The following PIAS2 variants were observed in gnomAD, a reference collection of about 807,000 sequenced individuals.
The protein encoded by PIAS2 is E3 SUMO-protein ligase PIAS2.
Under a neutral mutation model 69.7 loss-of-function variants are expected in PIAS2, and 19 were observed. The ratio of observed to expected loss-of-function variants is 0.27; its 90% CI spans 0.19 to 0.40. The LOEUF (loss-of-function observed/expected upper bound fraction) is 0.40. Ranked by LOEUF, PIAS2 falls within the 10% of genes least tolerant of loss-of-function variation. PIAS2 has a pLI of 1.00. For synonymous variants in PIAS2, 261 were observed against 263.2 expected, an observed-to-expected ratio of 0.99 and a Z score of 0.08; for missense variants, 624 against 757.0, an observed-to-expected ratio of 0.82 and a Z score of 2.06.
chr18:46,809,340 T>C lies in PIAS2; in HGVS notation c.*3093A>G, dbSNP rs2040860086. 6.6e-6 allele frequency: 1 copy of C among 152,210 alleles called. No homozygotes were observed. Among genetic ancestry groups the C allele is most frequent in the Admixed American group, 6.5e-5 (1 of 15,280 alleles). The allele number at this position is 152,210 out of a possible 1,614,324, so 9.4% of individuals were successfully genotyped here. ...AATCCTCAAGTGGCTCACCTAATTG[T>C]CAGAAAGTGAGTGAGTGACAACAGA... On this transcript the variant is annotated 3_prime_UTR_variant, in exon 14 of 14. Transcript: ENST00000585916.
intron 5 of PIAS2, among the ~76,000 whole-genome samples, chr18:46,854,528 G>A (rs1223626796): frequency 6.6e-6 from 1 of 152,130 alleles, no homozygotes; most frequent in Admixed American, 6.5e-5. Flanking sequence ...ATTTAGTAAT[G>A]TATCCAAAAT....
In PIAS2 at chr18:46,917,461, C is replaced by G; in HGVS notation, c.-116G>C. 2 of 1,219,948 alleles carry G rather than the reference C, an allele frequency of 1.6e-6. No individual in the cohort carries two copies. Among genetic ancestry groups the G allele is most frequent in the Non-Finnish European group, 2.1e-6 (2 of 974,474 alleles). 75.6% of individuals were successfully genotyped at this position (1,219,948 alleles called of 1,614,324 possible). On this transcript the variant is annotated 5_prime_UTR_variant, in exon 1 of 14. Transcript: ENST00000585916. Reference sequence around the variant, plus strand: ...TCCAGCACCATCCTGCACTGGGCGCCGCTTAAGACGCCGCGGCCGCCGCCG... The same window carrying G: ...TCCAGCACCATCCTGCACTGGGCGCGGCTTAAGACGCCGCGGCCGCCGCCG...
In PIAS2 at chr18:46,871,018, A is replaced by G. The variant is rs373097024; in HGVS notation, c.500-6770T>C. 3.9e-5 allele frequency among the ~76,000 whole-genome samples: 6 copies of G among 152,212 alleles called. No homozygotes were observed. The East Asian group carries it at 1.2e-3, about 29-fold the overall frequency. ...ACAACAAAGAAAGGATGAAGGACCTATGGAATTCCTAGAGAGGCTGAAAGA... is the reference window on the plus strand; with the variant it reads ...ACAACAAAGAAAGGATGAAGGACCTGTGGAATTCCTAGAGAGGCTGAAAGA... On this transcript the variant is annotated intron_variant, in intron 2 of 13. Coordinates refer to ENST00000585916, the MANE Select transcript of PIAS2 (RefSeq NM_004671.5).
chr18:46,837,504 T>C (rs948242371), intron 8 of PIAS2, among the ~76,000 whole-genome samples: 2 of 152,234 alleles, frequency 1.3e-5, no homozygotes, highest in Non-Finnish European at 2.9e-5. Flanking sequence ...GTGTGTAACA[T>C]GAACTGCAAA....
chr18:46,836,252 G>C, intron 9 of PIAS2, 105 bp downstream of exon 9: 2 of 816,026 alleles, frequency 2.5e-6, no homozygotes, highest in Non-Finnish European at 4.1e-6. Flanking sequence ...ATTTATGCTA[G>C]AGTAGAATTT....
rs375729334 is a variant in PIAS2, at chr18:46,913,519, T to C, written c.24+3803A>G. 1.7e-4 allele frequency among the ~76,000 whole-genome samples: 25 copies of C among 146,220 alleles called. No individual in the cohort carries two copies. In the East Asian group the frequency reaches 3.4e-3, roughly 20 times the overall value. On this transcript the variant is annotated intron_variant, in intron 1 of 13. Transcript: ENST00000585916. ...AGACACACACAGAATAAATTCTCAA[T>C]GCATGAAAAGAAGGGGATGAAGAAT... is the stretch of plus-strand genomic sequence containing the variant.
intron 2 of PIAS2, 144 bp from the exon 3 acceptor site, chr18:46,864,392 A>G (rs573446241): frequency 6.7e-6 from 4 of 598,012 alleles, no homozygotes; most frequent in African/African-American, 5.6e-5. Flanking sequence ...AGGAAGTACT[A>G]AACTGCATTC....
chr18:46,828,062 C>T lies in PIAS2; in HGVS notation c.1405G>A (p.Val469Ile). ...GAGCTTTCTATTGTAAGATCAATAA[C>T]ATCTACTTTCTTCTTGCTTGCCTCA... is the stretch of plus-strand genomic sequence containing the variant. The part of the protein sequence containing the change: ...ASEASKKKVD[V>I]IDLTIESSSD... The change falls in exon 11 of 14, where the codon GTT becomes ATT. Residue 469 changes from valine (V) to isoleucine (I), a missense_variant. Physicochemically the swap from Val to Ile is conservative, Grantham distance 29. Transcript: ENST00000585916. The T allele has an allele frequency of 1.2e-6, 2 of 1,613,816 alleles. No individual in the cohort carries two copies. The highest frequency in any genetic ancestry group is 1.3e-5 in the African/African-American group (1 of 75,022).
At chr18:46,878,274 C>T (rs2051584419) in intron 2 of PIAS2, among the ~76,000 whole-genome samples, 1 of 152,110 alleles carries the variant, frequency 6.6e-6, no homozygotes, top group Admixed American at 6.6e-5. Context: ...TGAAAGCATT[C>T]TGAAAACAGT....
intron 3 of PIAS2, among the ~76,000 whole-genome samples, chr18:46,856,988 G>A (rs917688582): frequency 6.6e-6 from 1 of 152,224 alleles, no homozygotes; most frequent in African/African-American, 2.4e-5. Context: ...ATCTGTTAAA[G>A]ATGGAAAATT....
At chr18:46,859,330 C>T (rs1050851741) in intron 3 of PIAS2, among the ~76,000 whole-genome samples, 1 of 146,786 alleles carries the variant, frequency 6.8e-6, no homozygotes, top group East Asian at 2.1e-4. Flanking sequence ...CAGGAGGCTG[C>T]GGCAGGAGAA....
intron 2 of PIAS2, among the ~76,000 whole-genome samples, chr18:46,880,716 A>T (rs2052094474): frequency 6.6e-6 from 1 of 152,250 alleles, no homozygotes; most frequent in African/African-American, 2.4e-5. Context: ...GAACATTCTC[A>T]TACAGTTGTA....
chr18:46,812,362 G>T lies in PIAS2; in HGVS notation c.*71C>A. The stretch of plus-strand genomic sequence containing the variant: ...TTATTAAAAAAAAAAAAAAAAGAAC[G>T]TTTCCACAGACTAGAGATCCAAGAA... On this transcript the variant is annotated 3_prime_UTR_variant, in exon 14 of 14. Transcript: ENST00000585916. 1.8e-5 allele frequency: 13 copies of T among 725,198 alleles called. No individual in the cohort carries two copies. The highest frequency in any genetic ancestry group is 2.9e-5 in the South Asian group (1 of 34,842). 44.9% of individuals were successfully genotyped at this position (725,198 alleles called of 1,614,324 possible).
At chr18:46,857,103 T>C (rs1006749923) in intron 3 of PIAS2, among the ~76,000 whole-genome samples, 1 of 152,262 alleles carries the variant, frequency 6.6e-6, no homozygotes, top group African/African-American at 2.4e-5. Context: ...AGCTGGCTGC[T>C]GTGACTGTTT....
chr18:46,914,425 A>C (rs2057581749), intron 1 of PIAS2, among the ~76,000 whole-genome samples: 1 of 152,176 alleles, frequency 6.6e-6, no homozygotes, highest in Admixed American at 6.5e-5. Flanking sequence ...CCGGACTGAA[A>C]GGCAACAAGG....
Position 46,806,521 on chromosome 18 carries a change from A to G in PIAS2, c.*5912T>C, listed in dbSNP as rs1367040813. 6.6e-6 allele frequency: 1 copy of G among 151,012 alleles called. No individual in the cohort carries two copies. The highest frequency in any genetic ancestry group is 2.4e-5 in the African/African-American group (1 of 41,112). 9.4% of individuals were successfully genotyped at this position (151,012 alleles called of 1,614,324 possible). A position where few individuals can be genotyped will look rare whatever the true frequency, so the allele number is the denominator to read the frequency against. The stretch of plus-strand genomic sequence containing the variant: ...TACAGACATGAGCCATCATGCCCTA[A>G]TTTTTTGTATTTTTAGTAGAGATGG... On this transcript the variant is annotated 3_prime_UTR_variant, in exon 14 of 14. Coordinates refer to ENST00000585916, the MANE Select transcript of PIAS2 (RefSeq NM_004671.5).
chr18:46,815,640 A>G, intron 12 of PIAS2: 31 of 1,064,572 alleles, frequency 2.9e-5, no homozygotes, highest in Non-Finnish European at 3.5e-5. Flanking sequence ...TTTGCCGCTT[A>G]ACAGAATGAG....
chr18:46,828,459 G>A (rs763149774), intron 10 of PIAS2, among the ~76,000 whole-genome samples: 8 of 152,182 alleles, frequency 5.3e-5, no homozygotes, highest in Non-Finnish European at 1.0e-4. Context: ...GTCAGCAGTC[G>A]TTTTACAGAA....
intron 13 of PIAS2, 123 bp from the exon 14 acceptor site, chr18:46,812,735 A>AT (rs1241264171): frequency 5.1e-6 from 3 of 587,148 alleles, no homozygotes; most frequent in Non-Finnish European, 8.9e-6. Context: ...GGATTTAAAA[A>AT]TTGCTCAAAA....
Sources: gnomAD v4.1 joint callset for allele counts (sites outside exome capture counted in the v4.1 genomes callset) on GRCh38, gnomAD v4.1.1 for gene constraint, MANE v1.5 for transcripts, NCBI Gene and HGNC (gene_info 2026-07-23, HGNC 2026-07-21) for gene names.